Variants in GRIK2 observed in about 807,000 individuals in gnomAD.
The protein encoded by GRIK2 is glutamate ionotropic receptor kainate type subunit 2, also known as glutamate receptor ionotropic, kainate 2.
GRIK2 carries 32 observed loss-of-function variants against 100.3 expected under a neutral mutation model. The ratio of observed to expected loss-of-function variants is 0.32; its 90% CI spans 0.24 to 0.43. GRIK2 has a LOEUF of 0.43. GRIK2 is among the 20% of genes least tolerant of loss of function. The pLI is 1.00. For synonymous variants in GRIK2, 417 were observed against 389.4 expected (o/e 1.07, Z -0.83); for missense variants, 843 against 1,114.9 (o/e 0.76, Z 3.47).
At chr6:101,547,226 TGAAA>T (rs1238404184) in intron 2 of GRIK2, among the ~76,000 whole-genome samples, 1 of 151,996 alleles carries the variant, frequency 6.6e-6, no homozygotes, top group Non-Finnish European at 1.5e-5. Flanking sequence ...TGTGAAATCA[TGAAA>T]ACAAAGGATG....
chr6:101,475,576 T>C (rs534031837), intron 2 of GRIK2, among the ~76,000 whole-genome samples: 100 of 152,114 alleles, frequency 6.6e-4, no homozygotes, highest in Admixed American at 1.2e-3. Context: ...TTTTTTTGTG[T>C]GTGTCTGTTT....
At position 101,393,776 on chromosome 6, in the gene GRIK2, C is replaced by G. The variant is rs1299272712; in HGVS notation, c.-355C>G. On this transcript the variant is annotated 5_prime_UTR_variant, in exon 1 of 17. Coordinates refer to ENST00000369134, the MANE Select transcript of GRIK2 (RefSeq NM_021956.5). ...TGGGGACTTTTCCGCCCGACCTCCT[C>G]CGGCTGCTCCTCCCCGAGGACCACC... Among the ~76,000 whole-genome samples, 1 of 152,080 alleles carries G rather than the reference C, an allele frequency of 6.6e-6. No individual in the cohort carries two copies. The highest frequency in any genetic ancestry group is 1.5e-5 in the Non-Finnish European group (1 of 67,998).
chr6:101,578,997 A>T (rs571681277), intron 2 of GRIK2, among the ~76,000 whole-genome samples: 1 of 152,268 alleles, frequency 6.6e-6, no homozygotes, highest in East Asian at 1.9e-4. Flanking sequence ...TCATTTTCCT[A>T]ATCTGTAAAA....
chr6:101,743,577 C>T (rs917912121), intron 7 of GRIK2, among the ~76,000 whole-genome samples: 14 of 152,102 alleles, frequency 9.2e-5, no homozygotes, highest in African/African-American at 2.9e-4. Context: ...AGTCTTTTAT[C>T]TACACCTTGT....
intron 2 of GRIK2, among the ~76,000 whole-genome samples, chr6:101,417,115 C>T (rs1321422634): frequency 6.6e-6 from 1 of 152,160 alleles, no homozygotes; most frequent in Non-Finnish European, 1.5e-5. Flanking sequence ...AGGAGCAAAG[C>T]TACTGGCAGC....
chr6:101,991,001 G>T (rs1794328522), intron 14 of GRIK2, among the ~76,000 whole-genome samples: 2 of 151,794 alleles, frequency 1.3e-5, no homozygotes, highest in African/African-American at 4.8e-5. Context: ...ATCATGGAAA[G>T]ATTCTATAGA....
intron 2 of GRIK2, among the ~76,000 whole-genome samples, chr6:101,453,532 G>A (rs969120480): frequency 2.0e-4 from 30 of 151,904 alleles, no homozygotes; most frequent in Admixed American, 1.3e-3. Context: ...CGTGTTACAT[G>A]GCCAAAAAAT....
intron 2 of GRIK2, among the ~76,000 whole-genome samples, chr6:101,478,285 C>A (rs1385719108): frequency 6.6e-6 from 1 of 151,918 alleles, no homozygotes; most frequent in Non-Finnish European, 1.5e-5. Flanking sequence ...CAAACAAAAT[C>A]TTAAAATAAC....
At chr6:101,824,250 C>T (rs1017160110) in intron 10 of GRIK2, among the ~76,000 whole-genome samples, 5 of 151,948 alleles carry the variant, frequency 3.3e-5, no homozygotes, top group Admixed American at 2.6e-4. Flanking sequence ...CAGTATATAC[C>T]GTACCCAATT....
chr6:101,485,572 CATTA>C (rs1354456923), intron 2 of GRIK2, among the ~76,000 whole-genome samples: 2 of 152,006 alleles, frequency 1.3e-5, no homozygotes, highest in African/African-American at 2.4e-5. Flanking sequence ...TTGTTTAAGT[CATTA>C]ATTCTGAAAA....
intron 16 of GRIK2, chr6:102,064,038 T>C (rs751141552): frequency 4.2e-6 from 6 of 1,430,906 alleles, no homozygotes; most frequent in Non-Finnish European, 5.9e-6. Context: ...TAAAAGAGGT[T>C]TTTAATAATG....
At chr6:101,911,314 A>T (rs1788673136) in intron 12 of GRIK2, among the ~76,000 whole-genome samples, 1 of 151,528 alleles carries the variant, frequency 6.6e-6, no homozygotes, top group African/African-American at 2.4e-5. Context: ...CATTACATGA[A>T]TCAGTCAAAT....
intron 2 of GRIK2, among the ~76,000 whole-genome samples, chr6:101,445,246 C>G (rs1054985527): frequency 4.6e-5 from 7 of 152,220 alleles, no homozygotes; most frequent in Middle Eastern, 3.4e-3. Context: ...TGACCCTGCT[C>G]TCTCATGGTT....
chr6:101,819,877 C>T (rs73512772), intron 10 of GRIK2, among the ~76,000 whole-genome samples: 11,211 of 152,146 alleles, frequency 0.074, 438 homozygotes, highest in African/African-American at 0.099. Context: ...AACACAACAA[C>T]GACAATCTAA....
At chr6:101,556,321 A>ATTTTTTTTTTTTTTTGTTTTTTTTT (rs1776737657) in intron 2 of GRIK2, among the ~76,000 whole-genome samples, 1 of 59,396 alleles carries the variant, frequency 1.7e-5, no homozygotes, top group Non-Finnish European at 3.6e-5. Flanking sequence ...TATATTGGTA[A>ATTTTTTTTTTTTTTTGTTTTTTTTT]TTTTTTTTTT....
chr6:101,524,468 T>A (rs1310543180), intron 2 of GRIK2, among the ~76,000 whole-genome samples: 2 of 152,088 alleles, frequency 1.3e-5, no homozygotes, highest in Non-Finnish European at 2.9e-5. Flanking sequence ...AACTCAAGTT[T>A]ATTCACTATA....
intron 7 of GRIK2, among the ~76,000 whole-genome samples, chr6:101,697,335 G>A (rs955158114): frequency 2.8e-5 from 4 of 140,622 alleles, no homozygotes; most frequent in Non-Finnish European, 4.5e-5. Context: ...GATACTTAGG[G>A]TGTACGTGTG....
intron 14 of GRIK2, among the ~76,000 whole-genome samples, chr6:102,023,725 TC>T (rs1240910463): frequency 1.3e-5 from 2 of 151,518 alleles, no homozygotes; most frequent in Non-Finnish European, 3.0e-5. Flanking sequence ...TACCACTTTT[TC>T]CAGCAATGCT....
At chr6:101,707,584 G>GTA (rs1773406767) in intron 7 of GRIK2, among the ~76,000 whole-genome samples, 1 of 129,360 alleles carries the variant, frequency 7.7e-6, no homozygotes, top group African/African-American at 3.0e-5. Flanking sequence ...GTATGTGTGT[G>GTA]TGTGTGTGTG....
Sources: allele counts gnomAD v4.1 joint callset (sites outside exome capture counted in the v4.1 genomes callset), GRCh38; gene constraint gnomAD v4.1.1; transcripts MANE v1.5; gene names NCBI Gene and HGNC (gene_info 2026-07-23, HGNC 2026-07-21).